The following TLL1 variants were observed in gnomAD, a reference collection of about 807,000 sequenced individuals.
TLL1 encodes the protein tolloid-like protein 1.
A neutral mutation model predicts 128.2 loss-of-function variants in TLL1; 49 were observed. The ratio of observed to expected loss-of-function variants is 0.38; its 90% CI spans 0.30 to 0.48. The LOEUF is 0.48. Ranked by LOEUF, TLL1 falls within the 20% of genes least tolerant of loss-of-function variation. The pLI, the probability that TLL1 is intolerant of heterozygous loss-of-function variation, is 0.96. For synonymous variants in TLL1, 454 were observed against 418.8 expected (o/e 1.08, Z -1.03); for missense variants, 1,123 against 1,242.0 (o/e 0.90, Z 1.44).
chr4:165,997,273 G>A (rs1488793354), intron 5 of TLL1, among the ~76,000 whole-genome samples: 1 of 152,116 alleles, frequency 6.6e-6, no homozygotes, highest in East Asian at 1.9e-4. Flanking sequence ...TACTTGTCAA[G>A]TCAAGCACAT....
At chr4:166,052,802 A>T (rs1739806249) in intron 12 of TLL1, among the ~76,000 whole-genome samples, 1 of 151,544 alleles carries the variant, frequency 6.6e-6, no homozygotes, top group Non-Finnish European at 1.5e-5. Context: ...CAGTTTTGTC[A>T]TTTATTCTGT....
chr4:166,054,333 A>C (rs527470325), intron 12 of TLL1, among the ~76,000 whole-genome samples: 21 of 152,336 alleles, frequency 1.4e-4, no homozygotes, highest in Admixed American at 7.2e-4. Flanking sequence ...ATTTATAACC[A>C]AAAATAGTGC....
At chr4:165,952,867 C>T (rs1394618127) in intron 1 of TLL1, among the ~76,000 whole-genome samples, 4 of 152,052 alleles carry the variant, frequency 2.6e-5, no homozygotes, top group African/African-American at 7.2e-5. Flanking sequence ...AGCATCCCCC[C>T]ACTAAAGAGC....
At chr4:165,972,992 T>C (rs1013329816) in intron 1 of TLL1, among the ~76,000 whole-genome samples, 1 of 145,600 alleles carries the variant, frequency 6.9e-6, no homozygotes, top group Non-Finnish European at 1.5e-5. Context: ...TACTTGAGCC[T>C]TTTAATCTCC....
intron 1 of TLL1, among the ~76,000 whole-genome samples, chr4:165,903,412 GTTT>G (rs563542442): frequency 7.2e-5 from 9 of 125,316 alleles, no homozygotes; most frequent in Admixed American, 6.5e-4. Context: ...TCTTTTTCTT[GTTT>G]TTTTTTTTTT....
intron 1 of TLL1, among the ~76,000 whole-genome samples, chr4:165,896,117 G>A (rs1731667007): frequency 6.6e-6 from 1 of 151,972 alleles, no homozygotes; most frequent in Non-Finnish European, 1.5e-5. Flanking sequence ...GGTGTGTGAT[G>A]TTCCCCTCCC....
chr4:165,911,175 C>G (rs1391875605), intron 1 of TLL1, among the ~76,000 whole-genome samples: 1 of 152,176 alleles, frequency 6.6e-6, no homozygotes, highest in African/African-American at 2.4e-5. Context: ...TAACCAATCT[C>G]TATTCATCCC....
intron 1 of TLL1, among the ~76,000 whole-genome samples, chr4:165,936,301 C>T (rs933979210): frequency 6.1e-5 from 9 of 148,260 alleles, no homozygotes; most frequent in African/African-American, 2.2e-4. Context: ...CTCACTACAA[C>T]CTCCACCTCC....
intron 1 of TLL1, among the ~76,000 whole-genome samples, chr4:165,969,789 A>G (rs1735554020): frequency 6.6e-6 from 1 of 152,176 alleles, no homozygotes; most frequent in Admixed American, 6.5e-5. Context: ...ACTTTTTCTT[A>G]TTAAAATGTT....
At chr4:166,002,369 T>C (rs562552864) in intron 5 of TLL1, among the ~76,000 whole-genome samples, 50 of 152,270 alleles carry the variant, frequency 3.3e-4, no homozygotes, top group African/African-American at 1.2e-3. Context: ...TAATATTCAG[T>C]TCCTAGCACC....
intron 12 of TLL1, among the ~76,000 whole-genome samples, chr4:166,051,223 GCT>G (rs909233706): frequency 2.6e-4 from 39 of 151,972 alleles, no homozygotes; most frequent in African/African-American, 8.9e-4. Flanking sequence ...AAAAGAAACT[GCT>G]CTTTCTCTTT....
At chr4:166,027,248 C>A (rs1004707149) in intron 9 of TLL1, among the ~76,000 whole-genome samples, 1 of 151,760 alleles carries the variant, frequency 6.6e-6, no homozygotes, top group Non-Finnish European at 1.5e-5. Context: ...GATGGGGGAG[C>A]CTGAAAAGGG....
intron 12 of TLL1, among the ~76,000 whole-genome samples, chr4:166,052,765 T>C (rs1739803282): frequency 6.6e-6 from 1 of 151,920 alleles, no homozygotes; most frequent in African/African-American, 2.4e-5. Flanking sequence ...ATAGTTTGGT[T>C]TGCCAAGACT....
intron 18 of TLL1, among the ~76,000 whole-genome samples, chr4:166,082,877 A>G (rs955194641): frequency 2.0e-5 from 3 of 151,944 alleles, no homozygotes; most frequent in Non-Finnish European, 4.4e-5. Flanking sequence ...GCGTTTTGCT[A>G]TGTTGGCCAG....
chr4:165,954,144 G>A (rs879361315), intron 1 of TLL1, among the ~76,000 whole-genome samples: 1 of 151,996 alleles, frequency 6.6e-6, no homozygotes, highest in Non-Finnish European at 1.5e-5. Context: ...TAACTGGCTG[G>A]ATATCAGAAT....
intron 5 of TLL1, among the ~76,000 whole-genome samples, chr4:165,998,712 G>A (rs1214341231): frequency 6.6e-6 from 1 of 151,748 alleles, no homozygotes; most frequent in Non-Finnish European, 1.5e-5. Flanking sequence ...CAGGAGAATG[G>A]CGTGAACCTG....
intron 1 of TLL1, among the ~76,000 whole-genome samples, chr4:165,976,395 A>G (rs1735889179): frequency 6.6e-6 from 1 of 152,244 alleles, no homozygotes; most frequent in Admixed American, 6.5e-5. Context: ...GGCATACGTT[A>G]GGAAGAAACT....
At chr4:165,998,996 G>GA (rs980402990) in intron 5 of TLL1, among the ~76,000 whole-genome samples, 3 of 152,076 alleles carry the variant, frequency 2.0e-5, no homozygotes, top group African/African-American at 4.8e-5. Flanking sequence ...AACTTAAGCA[G>GA]AAAAAACGAT....
intron 1 of TLL1, among the ~76,000 whole-genome samples, chr4:165,932,010 T>C (rs1341258672): frequency 6.6e-6 from 1 of 152,118 alleles, no homozygotes; most frequent in Admixed American, 6.6e-5. Flanking sequence ...CAGGTGATGG[T>C]TGGACAAGTA....
Sources: gnomAD v4.1 joint callset for allele counts (sites outside exome capture counted in the v4.1 genomes callset) on GRCh38, gnomAD v4.1.1 for gene constraint, MANE v1.5 for transcripts, NCBI Gene and HGNC (gene_info 2026-07-23, HGNC 2026-07-21) for gene names.